LMLN: variants seen among roughly 807,000 people sequenced by gnomAD.
LMLN encodes the protein leishmanolysin-like peptidase.
Under a neutral mutation model 92.3 loss-of-function variants are expected in LMLN, and 70 were observed. The observed-to-expected ratio is 0.76, with a 90% CI of 0.63 to 0.92. LMLN has a LOEUF of 0.92. LMLN is among the 40% of genes least tolerant of loss of function. The pLI is 0.00. For synonymous variants in LMLN, 308 were observed against 296.2 expected, an observed-to-expected ratio of 1.04 and a Z score of -0.41; for missense variants, 691 against 814.6, an observed-to-expected ratio of 0.85 and a Z score of 1.85.
chr3:198,021,499 C>G, exon 13 of LMLN: 2 of 1,614,066 alleles, frequency 1.2e-6, no homozygotes, highest in Non-Finnish European at 1.7e-6. Context: ...ATTATGGTGG[C>G]TCCGTGGAAA....
intron 14 of LMLN, among the ~76,000 whole-genome samples, chr3:198,034,439 A>G (rs1215442224): frequency 6.6e-6 from 1 of 151,962 alleles, no homozygotes; most frequent in Non-Finnish European, 1.5e-5. Flanking sequence ...GTGAAACCCC[A>G]TCTCTACTAA....
chr3:198,024,858 T>TA (rs1340830442), intron 14 of LMLN, 70 bp downstream of exon 15: 2 of 1,254,262 alleles, frequency 1.6e-6, no homozygotes, highest in Non-Finnish European at 2.2e-6. Flanking sequence ...TTTTGTATTT[T>TA]AAATTATATT....
In LMLN at chr3:197,975,030, CA is replaced by C. The variant is rs1721329046; in HGVS notation, c.318-11del. Reference sequence around the variant, plus strand: ...AGAGATAATCCTTATGTTTTTATGTCATTATTTTCAGGTTGCTCCCTGAGAA... The same window carrying C: ...AGAGATAATCCTTATGTTTTTATGTCTTATTTTCAGGTTGCTCCCTGAGAA... On this transcript the variant is annotated splice_polypyrimidine_tract_variant and intron_variant, in intron 2 of 15. Coordinates refer to ENST00000330198, the Ensembl canonical transcript of LMLN. The C allele has an allele frequency of 6.8e-7, 1 of 1,465,070 alleles. No homozygotes were observed. Among genetic ancestry groups the C allele is most frequent in the Non-Finnish European group, 9.5e-7 (1 of 1,050,764 alleles). 90.8% of individuals were successfully genotyped at this position (1,465,070 alleles called of 1,614,324 possible).
intron 11 of LMLN, among the ~76,000 whole-genome samples, chr3:198,012,147 C>G (rs1455293266): frequency 2.0e-5 from 3 of 152,194 alleles, no homozygotes; most frequent in African/African-American, 7.2e-5. Context: ...CTCACTGCAG[C>G]CTCTGGTGCC....
chr3:197,980,595 T>G, intron 6 of LMLN, 91 bp downstream of exon 6: 3 of 1,300,468 alleles, frequency 2.3e-6, no homozygotes, highest in Non-Finnish European at 2.1e-6. Flanking sequence ...ACAGGAATCT[T>G]GCATTTGCCA....
chr3:198,037,373 CATA>C (rs1723263596), intron 15 of LMLN, among the ~76,000 whole-genome samples: 1 of 152,204 alleles, frequency 6.6e-6, no homozygotes, highest in Non-Finnish European at 1.5e-5. Flanking sequence ...CAGTTACAAT[CATA>C]ATGACACAAT....
At chr3:197,982,311 G>A (rs113785096) in intron 6 of LMLN, among the ~76,000 whole-genome samples, 1 of 142,676 alleles carries the variant, frequency 7.0e-6, no homozygotes, top group Non-Finnish European at 1.5e-5. Flanking sequence ...CTGCAGCCTC[G>A]ACCTCCTGGG....
intron 5 of LMLN, among the ~76,000 whole-genome samples, chr3:197,977,500 G>C (rs960677130): frequency 4.2e-5 from 6 of 142,936 alleles, no homozygotes; most frequent in East Asian, 2.2e-4. Context: ...ATATAAAAAT[G>C]ATCAAACAAT....
At chr3:197,985,045 T>G (rs148396794) in intron 7 of LMLN, among the ~76,000 whole-genome samples, 2 of 152,288 alleles carry the variant, frequency 1.3e-5, no homozygotes, top group African/African-American at 4.8e-5. Context: ...GACTTGCCAC[T>G]TCCTCAAATT....
chr3:197,965,431 G>A (rs532222194), intron 1 of LMLN, among the ~76,000 whole-genome samples: 9 of 151,868 alleles, frequency 5.9e-5, no homozygotes, highest in African/African-American at 2.2e-4. Context: ...TTTAGAGATG[G>A]GATCTCAGTA....
At chr3:197,996,891 C>T (rs1352363840) in intron 10 of LMLN, among the ~76,000 whole-genome samples, 6 of 152,212 alleles carry the variant, frequency 3.9e-5, no homozygotes, top group African/African-American at 1.2e-4. Flanking sequence ...AAGCAGTCCT[C>T]CTGCCTCAGC....
At position 197,960,584 on chromosome 3, in the gene LMLN, G is replaced by A. The variant is rs138795658; in HGVS notation, c.219+144G>A. On this transcript the variant is annotated intron_variant, in intron 1 of 15. Coordinates refer to ENST00000330198, the Ensembl canonical transcript of LMLN. Reference sequence around the variant, plus strand: ...CCTGACTCTTACAGGCCTGGGACCCGCTCTCAGCTCCCTACACCCTGCAAG... The same window carrying A: ...CCTGACTCTTACAGGCCTGGGACCCACTCTCAGCTCCCTACACCCTGCAAG... 34 of 713,346 alleles carry A rather than the reference G, an allele frequency of 4.8e-5. No individual in the cohort carries two copies. The East Asian group carries it at 9.0e-4, about 19-fold the overall frequency. The allele number at this position is 713,346 out of a possible 1,614,324, so 44.2% of individuals were successfully genotyped here.
intron 1 of LMLN, among the ~76,000 whole-genome samples, chr3:197,967,585 A>C (rs1302801472): frequency 6.6e-6 from 1 of 151,886 alleles, no homozygotes; most frequent in East Asian, 1.9e-4. Context: ...GAAATCAAAA[A>C]CTCCTGATAA....
At chr3:198,032,577 T>C (rs1230750260) in intron 14 of LMLN, among the ~76,000 whole-genome samples, 1 of 152,176 alleles carries the variant, frequency 6.6e-6, no homozygotes, top group Non-Finnish European at 1.5e-5. Context: ...CGGCTTCTGG[T>C]GACGGCTCAG....
At chr3:198,003,613 C>G (rs574377650) in intron 11 of LMLN, among the ~76,000 whole-genome samples, 2 of 124,522 alleles carry the variant, frequency 1.6e-5, no homozygotes, top group Non-Finnish European at 3.1e-5. Context: ...ACATATCATA[C>G]ATAGTAAGTT....
chr3:198,011,930 G>C lies in LMLN; in HGVS notation c.1233-7323G>C, dbSNP rs556728272. On this transcript the variant is annotated intron_variant, in intron 11 of 15. Coordinates refer to ENST00000330198, the Ensembl canonical transcript of LMLN. ...CAGAAAAAGAAACTACCATCAGAGT[G>C]AACAGGCAACCTACAGAATGGGAGA... Among the ~76,000 whole-genome samples, 13 of 152,276 alleles carry C rather than the reference G, an allele frequency of 8.5e-5. No individual in the cohort carries two copies. The South Asian group carries it at 2.5e-3, about 29-fold the overall frequency.
intron 3 of LMLN, 134 bp downstream of exon 3, chr3:197,975,206 A>C: frequency 1.9e-6 from 1 of 526,872 alleles, no homozygotes; most frequent in East Asian, 3.1e-5. Flanking sequence ...AGTGCTGATC[A>C]TTTCACAAAA....
At chr3:197,977,328 AAC>A (rs748714140) in intron 5 of LMLN, among the ~76,000 whole-genome samples, 3 of 152,262 alleles carry the variant, frequency 2.0e-5, no homozygotes, top group Non-Finnish European at 2.9e-5. Flanking sequence ...AAAGTATAGA[AAC>A]ACAGACAATA....
At chr3:197,983,895 A>C (rs746541243) in intron 6 of LMLN, 48 bp from the exon 7 acceptor site, 49 of 1,247,766 alleles carry the variant, frequency 3.9e-5, no homozygotes, top group Non-Finnish European at 5.5e-5. Flanking sequence ...AATGTTAATA[A>C]ATATTGTTCT....
Sources: allele counts gnomAD v4.1 joint callset (sites outside exome capture counted in the v4.1 genomes callset), GRCh38; gene constraint gnomAD v4.1.1; transcripts MANE v1.5; gene names NCBI Gene and HGNC (gene_info 2026-07-23, HGNC 2026-07-21).